HIPK2: variants seen among roughly 807,000 people sequenced by gnomAD.
HIPK2 encodes homeodomain-interacting protein kinase 2.
Under a neutral mutation model 113.7 loss-of-function variants are expected in HIPK2, and 27 were observed. The observed-to-expected ratio is 0.24, with a 90% CI of 0.17 to 0.33. The LOEUF is 0.33. Ranked by LOEUF, HIPK2 falls within the 10% of genes least tolerant of loss-of-function variation. HIPK2 has a pLI of 1.00. For missense variants in HIPK2, 1,257 were observed against 1,588.0 expected, an observed-to-expected ratio of 0.79 and a Z score of 3.54; for synonymous variants, 631 against 642.2, an observed-to-expected ratio of 0.98 and a Z score of 0.26.
chr7:139,742,157 G>A (rs1264431073), intron 1 of HIPK2, among the ~76,000 whole-genome samples: 5 of 152,344 alleles, frequency 3.3e-5, no homozygotes, highest in African/African-American at 1.2e-4. Context: ...GTTATAAATT[G>A]TAGAAAGAAC....
At chr7:139,774,423 T>C (rs1043821285) in intron 1 of HIPK2, among the ~76,000 whole-genome samples, 2 of 152,214 alleles carry the variant, frequency 1.3e-5, no homozygotes, top group African/African-American at 2.4e-5. Flanking sequence ...TACTCAAATG[T>C]GGCGAGAAGA....
chr7:139,665,039 CTT>C (rs369543607), intron 2 of HIPK2, among the ~76,000 whole-genome samples: 17 of 129,608 alleles, frequency 1.3e-4, no homozygotes, highest in East Asian at 2.7e-4. Context: ...CTTTCTCTCT[CTT>C]TTTTTTTTTT....
intron 2 of HIPK2, among the ~76,000 whole-genome samples, chr7:139,674,621 A>C (rs1418551576): frequency 6.6e-6 from 1 of 152,168 alleles, no homozygotes; most frequent in Non-Finnish European, 1.5e-5. Flanking sequence ...CCTGGCATGG[A>C]CCAAATTCTG....
intron 1 of HIPK2, among the ~76,000 whole-genome samples, chr7:139,754,020 C>T (rs1048122551): frequency 3.3e-5 from 5 of 152,330 alleles, no homozygotes; most frequent in South Asian, 4.1e-4. Flanking sequence ...ACTTCAAAGA[C>T]GGGCGCCACG....
intron 1 of HIPK2, among the ~76,000 whole-genome samples, chr7:139,760,455 T>C (rs1447768518): frequency 6.6e-6 from 1 of 152,196 alleles, no homozygotes; most frequent in East Asian, 1.9e-4. Context: ...GAAGAATTTA[T>C]TTTTAGGAAT....
rs893599423 is a variant in HIPK2, at chr7:139,562,841, G to T, written c.*10086C>A. ...AAGCTATACTTCTCCTATCCAATTT[G>T]GTTTGATATATATACACAAACATAT... On this transcript the variant is annotated 3_prime_UTR_variant, in exon 15 of 15. Transcript: ENST00000406875. 3.3e-5 allele frequency: 5 copies of T among 152,142 alleles called. No homozygotes were observed. Among genetic ancestry groups the T allele is most frequent in the African/African-American group, 1.2e-4 (5 of 41,408 alleles). The allele number at this position is 152,142 out of a possible 1,614,324, so 9.4% of individuals were successfully genotyped here.
intron 1 of HIPK2, among the ~76,000 whole-genome samples, chr7:139,755,542 G>C (rs1204687271): frequency 6.6e-6 from 1 of 152,182 alleles, no homozygotes; most frequent in Non-Finnish European, 1.5e-5. Context: ...TGAGCTGACG[G>C]GGAAAATCCC....
chr7:139,602,372 T>C (rs539680343), intron 10 of HIPK2, among the ~76,000 whole-genome samples: 3 of 152,264 alleles, frequency 2.0e-5, no homozygotes, highest in East Asian at 1.9e-4. Context: ...GCCACAATAA[T>C]AGATGTTCTT....
At chr7:139,655,903 G>A (rs1801650864) in intron 2 of HIPK2, among the ~76,000 whole-genome samples, 1 of 152,098 alleles carries the variant, frequency 6.6e-6, no homozygotes, top group Non-Finnish European at 1.5e-5. Context: ...ACTCGTGCCA[G>A]GGAAGCTGGA....
intron 1 of HIPK2, among the ~76,000 whole-genome samples, chr7:139,723,843 T>A (rs1795490357): frequency 6.6e-6 from 1 of 152,212 alleles, no homozygotes; most frequent in Non-Finnish European, 1.5e-5. Flanking sequence ...AATTTGGGTT[T>A]GGCAGATGTA....
chr7:139,578,977 A>G (rs1798580490), intron 13 of HIPK2, among the ~76,000 whole-genome samples: 1 of 152,206 alleles, frequency 6.6e-6, no homozygotes, highest in Non-Finnish European at 1.5e-5. Context: ...CCGGACAGCT[A>G]TATTTCTGTG....
In HIPK2 at chr7:139,763,481, C is replaced by G. The variant is rs540827072; in HGVS notation, c.19+14124G>C. Among the ~76,000 whole-genome samples the G allele has an allele frequency of 2.3e-4, 30 of 132,940 alleles. 2 individuals are homozygous for G. The highest frequency in any genetic ancestry group is 6.9e-4 in the African/African-American group (22 of 31,938). 87.2% of individuals were successfully genotyped at this position (132,940 alleles called of 152,430 possible). A position where few individuals can be genotyped will look rare whatever the true frequency, so the allele number is the denominator to read the frequency against. On this transcript the variant is annotated intron_variant, in intron 1 of 14. Transcript: ENST00000406875. The stretch of plus-strand genomic sequence containing the variant: ...GATTTTGCCGGAACACGCCCCCCCC[C>G]CCACACGCCCCTCCCACCACGTGAC...
intron 1 of HIPK2, among the ~76,000 whole-genome samples, chr7:139,770,179 C>T (rs2117172625): frequency 6.6e-6 from 1 of 152,234 alleles, no homozygotes; most frequent in East Asian, 1.9e-4. Flanking sequence ...TTGTCAGAGC[C>T]CTATAAATCT....
rs150318990 is a variant in HIPK2, at chr7:139,648,120, C to T, written c.1104-16395G>A. 4.4e-3 allele frequency among the ~76,000 whole-genome samples: 674 copies of T among 152,350 alleles called. 5 individuals carry two copies. The highest frequency in any genetic ancestry group is 0.024 in the Middle Eastern group (7 of 294). On this transcript the variant is annotated intron_variant, in intron 2 of 14. Coordinates refer to ENST00000406875, the MANE Select transcript of HIPK2 (RefSeq NM_022740.5). The stretch of plus-strand genomic sequence containing the variant: ...AATGGAGCTAACCAAATTCCACCCC[C>T]AGTCTGAAAGGCTCTGACACAGAAC...
At chr7:139,607,366 A>G (rs1799655909) in intron 9 of HIPK2, among the ~76,000 whole-genome samples, 1 of 152,148 alleles carries the variant, frequency 6.6e-6, no homozygotes, top group Non-Finnish European at 1.5e-5. Flanking sequence ...TGTTCAGGAC[A>G]ATGTAAGAAA....
intron 2 of HIPK2, among the ~76,000 whole-genome samples, chr7:139,656,519 T>C (rs771343417): frequency 1.5e-4 from 23 of 152,256 alleles, no homozygotes; most frequent in Non-Finnish European, 2.9e-4. Flanking sequence ...AAACAGTCTC[T>C]TGGCTAGTTT....
chr7:139,696,343 C>T (rs1359535117), intron 2 of HIPK2, among the ~76,000 whole-genome samples: 2 of 152,038 alleles, frequency 1.3e-5, no homozygotes, highest in African/African-American at 4.8e-5. Context: ...GAGGTGGAGA[C>T]AGGAGGATCA....
intron 9 of HIPK2, among the ~76,000 whole-genome samples, chr7:139,604,683 CAAAAAAAAAA>C (rs11353760): frequency 2.1e-5 from 1 of 48,772 alleles, no homozygotes; most frequent in Non-Finnish European, 3.7e-5. Flanking sequence ...GACTCCGTCT[CAAAAAAAAAA>C]AAAAAAAAAA....
chr7:139,592,253 A>C (rs556579937), intron 12 of HIPK2, among the ~76,000 whole-genome samples: 1 of 152,316 alleles, frequency 6.6e-6, no homozygotes, highest in Non-Finnish European at 1.5e-5. Flanking sequence ...CGTCGGCTGA[A>C]ACAGTGGCTG....
Sources: allele counts gnomAD v4.1 joint callset (sites outside exome capture counted in the v4.1 genomes callset), GRCh38; gene constraint gnomAD v4.1.1; transcripts MANE v1.5; gene names NCBI Gene and HGNC (gene_info 2026-07-23, HGNC 2026-07-21).